The following ATXN10 variants were observed in gnomAD, a reference collection of about 807,000 sequenced individuals.
The protein encoded by ATXN10 is ataxin-10.
Under a neutral mutation model 52.9 loss-of-function variants are expected in ATXN10, and 28 were observed. That is an observed-to-expected ratio of 0.53 (90% CI 0.39 to 0.73). The LOEUF is 0.73. ATXN10 is among the 30% of genes least tolerant of loss of function. The pLI, the probability that ATXN10 is intolerant of heterozygous loss-of-function variation, is 0.00. For missense variants in ATXN10, 565 were observed against 577.0 expected (o/e 0.98, Z 0.21); for synonymous variants, 226 against 221.5 (o/e 1.02, Z -0.18).
chr22:45,748,528 T>C (rs1429503482), intron 9 of ATXN10, among the ~76,000 whole-genome samples: 1 of 152,230 alleles, frequency 6.6e-6, no homozygotes, highest in Admixed American at 6.5e-5. Context: ...TCTTATGTTA[T>C]TATCTAGTAA....
chr22:45,714,759 G>T (rs531922829), intron 5 of ATXN10, among the ~76,000 whole-genome samples: 2 of 152,216 alleles, frequency 1.3e-5, no homozygotes, highest in East Asian at 3.9e-4. Context: ...AATGTGTTCC[G>T]TAGTTTTGAT....
chr22:45,751,739 G>GAAAAAAAAAAAAAAAAAAA (rs1925959977), intron 9 of ATXN10, among the ~76,000 whole-genome samples: 1 of 14,122 alleles, frequency 7.1e-5, no homozygotes, highest in Non-Finnish European at 1.3e-4. Context: ...ACCTTTTTCT[G>GAAAAAAAAAAAAAAAAAAA]GAAAAAAAAA....
At position 45,772,320 on chromosome 22, in the gene ATXN10, TA is replaced by T. The variant is rs1926806242; in HGVS notation, c.1173+31787del. Among the ~76,000 whole-genome samples, 2 of 152,224 alleles carry T rather than the reference TA, an allele frequency of 1.3e-5. No individual in the cohort carries two copies. Among genetic ancestry groups the T allele is most frequent in the Admixed American group, 1.3e-4 (2 of 15,282 alleles). ...GATGAATTATTCTAGCAGCATTTGT[TA>T]AAAAGACTATCCTTTTTTGTTCATT... On this transcript the variant is annotated intron_variant, in intron 9 of 11. Coordinates refer to ENST00000252934, the MANE Select transcript of ATXN10 (RefSeq NM_013236.4). This position sits in a 1 kb window ranked among gnomAD's most constrained non-coding sequence, Gnocchi z 4.1.
Position 45,724,288 on chromosome 22 carries a change from T to G in ATXN10, c.729-5137T>G, listed in dbSNP as rs543879099. 1.8e-4 allele frequency among the ~76,000 whole-genome samples: 28 copies of G among 152,286 alleles called. 1 individual carries two copies. Among genetic ancestry groups the G allele is most frequent in the African/African-American group, 6.5e-4 (27 of 41,562 alleles). On this transcript the variant is annotated intron_variant, in intron 6 of 11. Transcript: ENST00000252934. Reference sequence around the variant, plus strand: ...TTACTATTTTACTTTCCCCCCAGCATTGTATATGCGTTCCTTTTTCACTAC... The same window carrying G: ...TTACTATTTTACTTTCCCCCCAGCAGTGTATATGCGTTCCTTTTTCACTAC...
chr22:45,827,222 A>C (rs1219421055), intron 10 of ATXN10, among the ~76,000 whole-genome samples: 1 of 152,174 alleles, frequency 6.6e-6, no homozygotes, highest in African/African-American at 2.4e-5. Flanking sequence ...TAAACATTTC[A>C]GTACAAAAAA....
chr22:45,748,989 A>G (rs1414026194), intron 9 of ATXN10, among the ~76,000 whole-genome samples: 1 of 152,220 alleles, frequency 6.6e-6, no homozygotes, highest in Non-Finnish European at 1.5e-5. Context: ...TTGTTCTACA[A>G]TAATTGACTT....
chr22:45,700,142 C>A, intron 3 of ATXN10, 140 bp from the exon 4 acceptor site: 1 of 659,174 alleles, frequency 1.5e-6, no homozygotes, highest in South Asian at 2.2e-5. Context: ...CCAAAGTGAA[C>A]TTGTGGAGAC....
At position 45,733,492 on chromosome 22, in the gene ATXN10, T is replaced by C. The variant is rs903003867; in HGVS notation, c.894+3902T>C. On this transcript the variant is annotated intron_variant, in intron 7 of 11. Transcript: ENST00000252934. This position sits in a 1 kb window ranked among gnomAD's most constrained non-coding sequence, Gnocchi z 4.4. ...GCTCATACCTGTAATCCCAGCACTT[T>C]AGGAGGTCGAGGTGGGCAGATTGCC... 6.6e-6 allele frequency among the ~76,000 whole-genome samples: 1 copy of C among 152,148 alleles called. No homozygotes were observed. The highest frequency in any genetic ancestry group is 1.5e-5 in the Non-Finnish European group (1 of 68,024).
At chr22:45,793,522 C>CT (rs753543056) in intron 9 of ATXN10, 5 of 1,227,318 alleles carry the variant, frequency 4.1e-6, no homozygotes, top group South Asian at 4.0e-5. Context: ...TCACGATTCT[C>CT]TTTAACAAAT....
intron 9 of ATXN10, among the ~76,000 whole-genome samples, chr22:45,751,262 C>G (rs770893671): frequency 1.3e-5 from 2 of 152,180 alleles, no homozygotes; most frequent in Non-Finnish European, 2.9e-5. Context: ...TTGTACACCT[C>G]TTAACCCTTC....
rs577345303 is a variant in ATXN10, at chr22:45,774,803, C to T, written c.1174-32156C>T. On this transcript the variant is annotated intron_variant, in intron 9 of 11. Transcript: ENST00000252934. The surrounding 1 kb of genome is among the most constrained non-coding windows in gnomAD (Gnocchi z 6.2). ...CAAAAATTAGCTGAGTGTGGTGGCA[C>T]GCGCCTGTAATCCCAGTTACTGGGG... Among the ~76,000 whole-genome samples the T allele has an allele frequency of 8.5e-5, 13 of 152,212 alleles. No individual in the cohort carries two copies. Among genetic ancestry groups the T allele is most frequent in the South Asian group, 8.3e-4 (4 of 4,818 alleles).
At chr22:45,729,375 G>C in intron 6 of ATXN10, 50 bp from the exon 7 acceptor site, 1 of 1,578,626 alleles carries the variant, frequency 6.3e-7, no homozygotes, top group Non-Finnish European at 8.7e-7. Flanking sequence ...TTTTAGCATT[G>C]TATAATTTAA....
chr22:45,821,557 T>C (rs187370603), intron 10 of ATXN10, among the ~76,000 whole-genome samples: 2 of 152,306 alleles, frequency 1.3e-5, no homozygotes, highest in African/African-American at 4.8e-5. Context: ...TGTGAGTCTA[T>C]ATCCAGGATA....
chr22:45,808,965 G>A (rs1485048790), intron 10 of ATXN10, among the ~76,000 whole-genome samples: 1 of 152,168 alleles, frequency 6.6e-6, no homozygotes, highest in Admixed American at 6.5e-5. Flanking sequence ...TTAGTGTTAT[G>A]TGTATTCAGT....
chr22:45,746,040 T>A (rs1925713477), intron 9 of ATXN10, among the ~76,000 whole-genome samples: 1 of 152,140 alleles, frequency 6.6e-6, no homozygotes, highest in Non-Finnish European at 1.5e-5. Context: ...ATCGTTTTAT[T>A]TGATCCAAAT....
intron 9 of ATXN10, among the ~76,000 whole-genome samples, chr22:45,798,421 G>A (rs1927819866): frequency 1.3e-5 from 2 of 152,150 alleles, no homozygotes; most frequent in Non-Finnish European, 2.9e-5. Context: ...GAATAAGAGG[G>A]AGGAAACAAT....
Position 45,677,265 on chromosome 22 carries a change from T to C in ATXN10, c.116+5086T>C, listed in dbSNP as rs1381833301. On this transcript the variant is annotated intron_variant, in intron 1 of 11. Coordinates refer to ENST00000252934, the MANE Select transcript of ATXN10 (RefSeq NM_013236.4). This position sits in a 1 kb window ranked among gnomAD's most constrained non-coding sequence, Gnocchi z 4.1. The stretch of plus-strand genomic sequence containing the variant: ...AATGAAGTGGGCACATCACATTCAC[T>C]GTATGCCTGGCATCTAGCATAGAGT... 1 of 152,226 alleles carries C rather than the reference T, an allele frequency of 6.6e-6. No homozygotes were observed. The highest frequency in any genetic ancestry group is 1.5e-5 in the Non-Finnish European group (1 of 68,040). 9.4% of individuals were successfully genotyped at this position (152,226 alleles called of 1,614,324 possible). A position where few individuals can be genotyped will look rare whatever the true frequency, so the allele number is the denominator to read the frequency against.
At chr22:45,802,471 T>G (rs1774624509) in intron 9 of ATXN10, among the ~76,000 whole-genome samples, 1 of 152,242 alleles carries the variant, frequency 6.6e-6, no homozygotes, top group Non-Finnish European at 1.5e-5. Context: ...GCTGTATTGG[T>G]GTCTGCTTTT....
In ATXN10 at chr22:45,715,634, A is replaced by G. The variant is rs2146770598; in HGVS notation, c.648-2779A>G. ...TGGCCCAGGGAAGCCAAAAGATTGG[A>G]CACCGCTGATACAGATGATCTTGGT... On this transcript the variant is annotated intron_variant, in intron 5 of 11. Coordinates refer to ENST00000252934, the MANE Select transcript of ATXN10 (RefSeq NM_013236.4). This position sits in a 1 kb window ranked among gnomAD's most constrained non-coding sequence, Gnocchi z 4.4. 6.6e-6 allele frequency among the ~76,000 whole-genome samples: 1 copy of G among 152,304 alleles called. No individual in the cohort carries two copies. Among genetic ancestry groups the G allele is most frequent in the East Asian group, 1.9e-4 (1 of 5,188 alleles).
Sources: allele counts gnomAD v4.1 joint callset (sites outside exome capture counted in the v4.1 genomes callset), GRCh38; gene constraint gnomAD v4.1.1; non-coding constraint Gnocchi (gnomAD v3.1); transcripts MANE v1.5; gene names NCBI Gene and HGNC (gene_info 2026-07-23, HGNC 2026-07-21).